The following NDE1 variants were observed in gnomAD, a reference collection of about 807,000 sequenced individuals.
NDE1 encodes nuclear distribution protein nudE homolog 1.
Under a neutral mutation model 43.4 loss-of-function variants are expected in NDE1, and 28 were observed. The ratio of observed to expected loss-of-function variants is 0.65; its 90% CI spans 0.48 to 0.89. The LOEUF (loss-of-function observed/expected upper bound fraction) is 0.89, where lower values mean the gene tolerates loss of function less well. Among genes scored for constraint, NDE1 ranks in the 40% least tolerant of loss-of-function variants. The probability of loss-of-function intolerance (pLI) is 0.00; values close to 1 mark genes in which losing one functional copy is unlikely to be tolerated. For missense variants in NDE1, 441 were observed against 434.1 expected (o/e 1.02, Z -0.14); for synonymous variants, 184 against 172.0 (o/e 1.07, Z -0.55).
intron 8 of NDE1, among the ~76,000 whole-genome samples, chr16:15,698,784 C>A (rs185973667): frequency 8.8e-4 from 133 of 152,000 alleles, no homozygotes; most frequent in African/African-American, 3.1e-3. Flanking sequence ...TCACTTGAAC[C>A]CAGGAAGTGG....
chr16:15,696,573 TTGGGGTCCC>T, intron 7 of NDE1, 127 bp from the exon 8 acceptor site: 1 of 1,523,980 alleles, frequency 6.6e-7, no homozygotes, highest in African/African-American at 1.4e-5. Context: ...TGGATTCCTC[TTGGGGTCCC>T]ACCTTGGAAT....
At chr16:15,718,468 T>C in intron 8 of NDE1, 1 of 1,540,992 alleles carries the variant, frequency 6.5e-7, no homozygotes, top group Non-Finnish European at 8.7e-7. Flanking sequence ...GGTGGGGGCC[T>C]CTACCCTCCC....
intron 8 of NDE1, among the ~76,000 whole-genome samples, chr16:15,698,389 C>A (rs757904496): frequency 7.4e-4 from 112 of 151,888 alleles, no homozygotes; most frequent in Non-Finnish European, 1.4e-3. Context: ...TGAAGCGAGA[C>A]CTTGTCTCAG....
At chr16:15,671,677 C>T (rs1344348289) in intron 3 of NDE1, among the ~76,000 whole-genome samples, 5 of 152,018 alleles carry the variant, frequency 3.3e-5, no homozygotes, top group Non-Finnish European at 5.9e-5. Flanking sequence ...CAATGATTAT[C>T]GTTCTTTTTG....
In NDE1 at chr16:15,687,422, C is replaced by A; in HGVS notation, c.434C>A (p.Ala145Asp). 1 of 1,614,154 alleles carries A rather than the reference C, an allele frequency of 6.2e-7. No homozygotes were observed. The highest frequency in any genetic ancestry group is 8.5e-7 in the Non-Finnish European group (1 of 1,180,030). The part of the protein sequence containing the change: ...LEDFEQRLNQ[A>D]IERNAFLESE... Reference sequence around the variant, plus strand: ...GACTTTGAGCAGCGCTTGAATCAGGCCATCGAAAGAAATGCCTTCCTGGAA... The same window carrying A: ...GACTTTGAGCAGCGCTTGAATCAGGACATCGAAAGAAATGCCTTCCTGGAA... Residue 145 changes from alanine (A) to aspartate (D), a missense_variant, in exon 5 of 9, where the codon GCC (alanine) becomes GAC (aspartate). Coordinates refer to ENST00000396354, the MANE Select transcript of NDE1 (RefSeq NM_017668.3).
At chr16:15,708,854 G>C (rs1196613270) in intron 8 of NDE1, 4 of 1,608,738 alleles carry the variant, frequency 2.5e-6, no homozygotes, top group Non-Finnish European at 1.7e-6. Flanking sequence ...GAAACAGAGA[G>C]AGAATCCCCG....
intron 2 of NDE1, 106 bp downstream of exon 2, chr16:15,664,967 T>C (rs2037229368): frequency 2.3e-6 from 2 of 851,420 alleles, no homozygotes; most frequent in South Asian, 1.4e-5. Flanking sequence ...GTGATCATAG[T>C]GCACAGCCGC....
intron 8 of NDE1, chr16:15,699,493 A>C: frequency 9.1e-7 from 1 of 1,098,686 alleles, no homozygotes. Context: ...ACAAACAAAC[A>C]ATAGGTAAGA....
chr16:15,711,166 C>G (rs1000522003), intron 8 of NDE1: 2 of 152,294 alleles, frequency 1.3e-5, no homozygotes, highest in Non-Finnish European at 2.9e-5. Flanking sequence ...GCCAGCTGCT[C>G]TCTTCCCCTT....
intron 8 of NDE1, among the ~76,000 whole-genome samples, chr16:15,722,351 T>C (rs2040531803): frequency 6.6e-6 from 1 of 152,172 alleles, no homozygotes; most frequent in South Asian, 2.1e-4. Context: ...TGCACACATA[T>C]CTCTCTGCTT....
intron 3 of NDE1, among the ~76,000 whole-genome samples, chr16:15,676,225 G>GTTTTT (rs34293989): frequency 2.5e-5 from 3 of 118,948 alleles, no homozygotes; most frequent in Admixed American, 9.7e-5. Flanking sequence ...TGTTTTTCTG[G>GTTTTT]TTTTTTTTTT....
intron 3 of NDE1, 110 bp downstream of exon 3, chr16:15,667,549 C>A: frequency 7.5e-7 from 1 of 1,334,860 alleles, no homozygotes; most frequent in Non-Finnish European, 1.0e-6. Context: ...GACCCCAGGC[C>A]CATGCTCATC....
chr16:15,706,910 C>T (rs1458567914), intron 8 of NDE1, among the ~76,000 whole-genome samples: 1 of 152,050 alleles, frequency 6.6e-6, no homozygotes, highest in Non-Finnish European at 1.5e-5. Context: ...CTGCAAGATA[C>T]TCTGTTTTGG....
At chr16:15,700,209 T>G (rs933444681) in intron 8 of NDE1, 36 of 657,130 alleles carry the variant, frequency 5.5e-5, no homozygotes, top group Non-Finnish European at 6.5e-5. Flanking sequence ...CGGTTCTTGT[T>G]CCTGAGTCTT....
At chr16:15,654,602 C>CAAA (rs200126051) in intron 1 of NDE1, among the ~76,000 whole-genome samples, 3 of 75,620 alleles carry the variant, frequency 4.0e-5, no homozygotes, top group East Asian at 3.6e-4. Context: ...GATTCCGACT[C>CAAA]AAAAAAAAAA....
At chr16:15,692,695 T>C (rs1234290557) in intron 6 of NDE1, among the ~76,000 whole-genome samples, 1 of 151,942 alleles carries the variant, frequency 6.6e-6, no homozygotes, top group African/African-American at 2.4e-5. Context: ...CATGTATGAG[T>C]CACTGTGCCT....
intron 8 of NDE1, chr16:15,699,643 T>TTC (rs2039159120): frequency 7.8e-7 from 1 of 1,281,710 alleles, no homozygotes; most frequent in Non-Finnish European, 1.0e-6. Context: ...ACTCTTGATG[T>TTC]TCACCCTTAT....
rs886051753 is a variant in NDE1 at position 15,725,639 on chromosome 16, C to T, written c.*1388C>T. 45 of 400,180 alleles carry T rather than the reference C, an allele frequency of 1.1e-4. No homozygotes were observed. The Middle Eastern group carries it at 1.9e-3, about 17-fold the overall frequency. The allele number at this position is 400,180 out of a possible 1,614,324, so 24.8% of individuals were successfully genotyped here. Reference sequence around the variant, plus strand: ...GATCTTGACACTGCTTATATGAGGGCGGCAAAAGCCCTGCTCTCAACTGCA... The same window carrying T: ...GATCTTGACACTGCTTATATGAGGGTGGCAAAAGCCCTGCTCTCAACTGCA... On this transcript the variant is annotated 3_prime_UTR_variant, in exon 9 of 9. Coordinates refer to ENST00000396354, the MANE Select transcript of NDE1 (RefSeq NM_017668.3).
At chr16:15,669,714 C>T (rs969219162) in intron 3 of NDE1, among the ~76,000 whole-genome samples, 4 of 152,014 alleles carry the variant, frequency 2.6e-5, no homozygotes, top group South Asian at 2.1e-4. Flanking sequence ...AGGCTGGTCT[C>T]GAACTCCTGA....
Sources: allele counts gnomAD v4.1 joint callset (sites outside exome capture counted in the v4.1 genomes callset), GRCh38; gene constraint gnomAD v4.1.1; transcripts MANE v1.5; gene names NCBI Gene and HGNC (gene_info 2026-07-23, HGNC 2026-07-21).